SNX29: variants seen among roughly 807,000 people sequenced by gnomAD.
SNX29 encodes the protein sorting nexin 29, also known as sorting nexin-29.
SNX29 carries 78 observed loss-of-function variants against 102.1 expected under a neutral mutation model. The ratio of observed to expected loss-of-function variants is 0.76; its 90% CI spans 0.64 to 0.92. The LOEUF (loss-of-function observed/expected upper bound fraction) is 0.92. Among genes scored for constraint, SNX29 ranks in the 40% least tolerant of loss-of-function variants. SNX29 has a pLI of 0.00. For synonymous variants in SNX29, 580 were observed against 414.5 expected (o/e 1.40, Z -4.85); for missense variants, 1,280 against 1,061.7 (o/e 1.21, Z -2.86).
chr16:12,470,976 C>T (rs749801717), intron 18 of SNX29, among the ~76,000 whole-genome samples: 11 of 152,288 alleles, frequency 7.2e-5, no homozygotes, highest in Non-Finnish European at 1.6e-4. Context: ...GGGGTGTCAT[C>T]CCCAGGGTCA....
intron 15 of SNX29, among the ~76,000 whole-genome samples, chr16:12,289,039 A>G (rs2079702803): frequency 6.6e-6 from 1 of 152,230 alleles, no homozygotes; most frequent in African/African-American, 2.4e-5. Flanking sequence ...AGTGACAAAC[A>G]TGCTGGCTAT....
intron 11 of SNX29, chr16:12,087,702 A>G (rs1157911150): frequency 5.3e-6 from 2 of 374,908 alleles, no homozygotes; most frequent in Non-Finnish European, 1.1e-5. Context: ...CCCAGAAGGT[A>G]CAGGCATTAC....
intron 14 of SNX29, among the ~76,000 whole-genome samples, chr16:12,250,237 A>T (rs546974510): frequency 3.0e-4 from 45 of 152,240 alleles, no homozygotes; most frequent in Non-Finnish European, 4.8e-4. Context: ...AGCCTTGTGC[A>T]TAGAAACACA....
At chr16:12,130,161 G>A (rs958371341) in intron 13 of SNX29, among the ~76,000 whole-genome samples, 1 of 145,860 alleles carries the variant, frequency 6.9e-6, no homozygotes, top group Non-Finnish European at 1.5e-5. Context: ...CTGAGCACAC[G>A]TTCACCTGGA....
At position 12,027,704 on chromosome 16, in the gene SNX29, C is replaced by T. The variant is rs1267714530; in HGVS notation, c.247+260C>T. 5.4e-5 allele frequency: 16 copies of T among 296,898 alleles called. No homozygotes were observed. In the South Asian group the frequency reaches 5.4e-4, roughly 10 times the overall value. The allele number at this position is 296,898 out of a possible 1,614,324, so 18.4% of individuals were successfully genotyped here. ...CCTCTGGGTTCGGGGACCTGTAGCA[C>T]ACTGGTTTATTTCACCACTGTGGCG... On this transcript the variant is annotated intron_variant, in intron 4 of 20. Coordinates refer to ENST00000566228, the MANE Select transcript of SNX29 (RefSeq NM_032167.5).
intron 19 of SNX29, among the ~76,000 whole-genome samples, chr16:12,508,915 C>T (rs2089492120): frequency 6.6e-6 from 1 of 152,182 alleles, no homozygotes; most frequent in South Asian, 2.1e-4. Flanking sequence ...CTGTGGGGTC[C>T]TGGCCATAAT....
chr16:12,390,712 G>T (rs183784302), intron 16 of SNX29, among the ~76,000 whole-genome samples: 15 of 152,112 alleles, frequency 9.9e-5, no homozygotes, highest in Admixed American at 2.6e-4. Flanking sequence ...GGGCTGGGAT[G>T]GTTCTTGCAG....
chr16:12,558,482 C>A (rs2078512940), intron 20 of SNX29, among the ~76,000 whole-genome samples: 3 of 152,212 alleles, frequency 2.0e-5, no homozygotes, highest in African/African-American at 7.2e-5. Flanking sequence ...TAAAGTTAAG[C>A]ACAGTGCATC....
chr16:12,508,032 T>C (rs1237225971), intron 19 of SNX29, among the ~76,000 whole-genome samples: 1 of 152,230 alleles, frequency 6.6e-6, no homozygotes, highest in Non-Finnish European at 1.5e-5. Context: ...CTGACGCTAG[T>C]TAACGTGGCC....
At chr16:12,553,949 A>C in intron 20 of SNX29, among the ~76,000 whole-genome samples, 1 of 152,028 alleles carries the variant, frequency 6.6e-6, no homozygotes, top group East Asian at 1.9e-4. Flanking sequence ...TGCCTCAGCC[A>C]CCCAAGTAGC....
chr16:12,119,782 G>C (rs1175588349), intron 11 of SNX29, among the ~76,000 whole-genome samples: 4 of 152,236 alleles, frequency 2.6e-5, no homozygotes. Context: ...CTTCCTGGCT[G>C]TGTGGCCTGA....
At chr16:12,552,743 A>T (rs1291678826) in intron 20 of SNX29, among the ~76,000 whole-genome samples, 1 of 152,214 alleles carries the variant, frequency 6.6e-6, no homozygotes, top group African/African-American at 2.4e-5. Flanking sequence ...TCTCCAGTGA[A>T]ATCACTTCTG....
chr16:11,979,549 T>A (rs2055371271), intron 1 of SNX29, among the ~76,000 whole-genome samples: 1 of 152,174 alleles, frequency 6.6e-6, no homozygotes, highest in Non-Finnish European at 1.5e-5. Context: ...TCCTCTTTCT[T>A]CTGTTCCCCA....
rs140587865 is a variant in SNX29 at position 12,508,102 on chromosome 16, C to T, written c.2179-16600C>T. On this transcript the variant is annotated intron_variant, in intron 19 of 20. Transcript: ENST00000566228. ...GTTCTTACCTGTAAAAGGGAGGTAC[C>T]GCTACCTTCTTGGGAAGAGTGTTTT... is the stretch of plus-strand genomic sequence containing the variant. Among the ~76,000 whole-genome samples the T allele has an allele frequency of 5.2e-3, 785 of 152,328 alleles. 6 individuals carry two copies. Among genetic ancestry groups the T allele is most frequent in the Middle Eastern group, 0.014 (4 of 294 alleles).
intron 20 of SNX29, among the ~76,000 whole-genome samples, chr16:12,536,601 T>C (rs1237439494): frequency 1.3e-5 from 2 of 152,158 alleles, no homozygotes; most frequent in Non-Finnish European, 2.9e-5. Flanking sequence ...GAGAACGCAC[T>C]AACTAGTTTG....
At chr16:12,327,905 C>A (rs577396094) in intron 15 of SNX29, among the ~76,000 whole-genome samples, 1 of 152,298 alleles carries the variant, frequency 6.6e-6, no homozygotes, top group East Asian at 1.9e-4. Flanking sequence ...CTGCCACCAT[C>A]CTGCTCATGG....
At chr16:12,563,899 T>G (rs1286100377) in intron 20 of SNX29, among the ~76,000 whole-genome samples, 1 of 152,238 alleles carries the variant, frequency 6.6e-6, no homozygotes, top group Non-Finnish European at 1.5e-5. Flanking sequence ...CTGCCGTCTC[T>G]GGAGCAGGCA....
chr16:12,306,558 C>G (rs976882362), intron 15 of SNX29, among the ~76,000 whole-genome samples: 1 of 152,162 alleles, frequency 6.6e-6, no homozygotes, highest in Non-Finnish European at 1.5e-5. Context: ...CAGGGCTGAG[C>G]GTGTAAATGC....
intron 18 of SNX29, among the ~76,000 whole-genome samples, chr16:12,424,500 C>G (rs1022934426): frequency 4.6e-5 from 7 of 152,096 alleles, no homozygotes; most frequent in African/African-American, 1.7e-4. Context: ...AAGCAACCTG[C>G]TTTGAGAGAG....
Sources: gnomAD v4.1 joint callset for allele counts (sites outside exome capture counted in the v4.1 genomes callset) on GRCh38, gnomAD v4.1.1 for gene constraint, MANE v1.5 for transcripts, NCBI Gene and HGNC (gene_info 2026-07-23, HGNC 2026-07-21) for gene names.